STX12: variants seen among roughly 807,000 people sequenced by gnomAD.
STX12 encodes syntaxin-12.
STX12 carries 17 observed loss-of-function variants against 42.2 expected under a neutral mutation model. The observed-to-expected ratio is 0.40, with a 90% CI of 0.28 to 0.60. The LOEUF is 0.60. STX12 is among the 20% of genes least tolerant of loss of function. The pLI is 0.39. For synonymous variants in STX12, 108 were observed against 116.7 expected (o/e 0.93, Z 0.48); for missense variants, 297 against 330.9 (o/e 0.90, Z 0.79).
intron 3 of STX12, among the ~76,000 whole-genome samples, chr1:27,794,176 C>T: frequency 6.6e-6 from 1 of 152,034 alleles, no homozygotes; most frequent in East Asian, 1.9e-4. Flanking sequence ...AGGCATGTGC[C>T]ACCACACCCA....
intron 7 of STX12, among the ~76,000 whole-genome samples, chr1:27,818,418 G>A (rs948885174): frequency 1.3e-5 from 2 of 151,578 alleles, no homozygotes; most frequent in African/African-American, 4.9e-5. Flanking sequence ...AGTCATATCA[G>A]CTATAGAGTT....
At position 27,817,941 on chromosome 1, in the gene STX12, C is replaced by G; in HGVS notation, c.649+18C>G. On this transcript the variant is annotated intron_variant, in intron 7 of 8. Transcript: ENST00000373943. ...TCTGATTGGTATGTATTATTGATAC[C>G]TTTAACCTCAAGGTGAGTTGATAGT... 1 of 1,605,968 alleles carries G rather than the reference C, an allele frequency of 6.2e-7. No individual in the cohort carries two copies. The highest frequency in any genetic ancestry group is 8.5e-7 in the Non-Finnish European group (1 of 1,173,120).
chr1:27,805,296 C>T (rs1299484582), intron 4 of STX12, among the ~76,000 whole-genome samples: 3 of 152,038 alleles, frequency 2.0e-5, no homozygotes, highest in African/African-American at 4.8e-5. Flanking sequence ...ACAAATAATA[C>T]ACTTATTACA....
intron 3 of STX12, among the ~76,000 whole-genome samples, chr1:27,797,122 G>A (rs564272578): frequency 3.3e-5 from 5 of 151,034 alleles, no homozygotes; most frequent in Non-Finnish European, 7.4e-5. Flanking sequence ...CTGCACTCCA[G>A]TGAGCAAAGG....
chr1:27,783,772 T>C (rs377169764), intron 1 of STX12, among the ~76,000 whole-genome samples: 15 of 152,230 alleles, frequency 9.9e-5, no homozygotes, highest in African/African-American at 3.4e-4. Context: ...CAAAAAGTTG[T>C]AGCACATCAG....
intron 4 of STX12, 97 bp from the exon 5 acceptor site, chr1:27,810,149 G>T: frequency 9.3e-7 from 1 of 1,072,466 alleles, no homozygotes; most frequent in Non-Finnish European, 1.4e-6. Flanking sequence ...GGTGTCAAAG[G>T]ATGTTGCTTC....
At chr1:27,776,573 C>T (rs938248502) in intron 1 of STX12, among the ~76,000 whole-genome samples, 5 of 151,984 alleles carry the variant, frequency 3.3e-5, no homozygotes, top group Admixed American at 3.3e-4. Flanking sequence ...AAAAATTAGC[C>T]AGACATGGTA....
chr1:27,795,518 C>T (rs2088780453), intron 3 of STX12, among the ~76,000 whole-genome samples: 1 of 152,046 alleles, frequency 6.6e-6, no homozygotes, highest in Admixed American at 6.6e-5. Flanking sequence ...GTTGGCCAGG[C>T]TGGTTTCAAA....
chr1:27,784,580 G>A (rs992229738), intron 1 of STX12, among the ~76,000 whole-genome samples: 5 of 152,018 alleles, frequency 3.3e-5, no homozygotes, highest in African/African-American at 1.2e-4. Context: ...CTGTAAACAC[G>A]TTATTCCTTT....
intron 4 of STX12, among the ~76,000 whole-genome samples, chr1:27,808,288 A>AT (rs1433442785): frequency 2.6e-5 from 4 of 151,452 alleles, no homozygotes; most frequent in Admixed American, 6.6e-5. Context: ...AAATACATTG[A>AT]TTTTTACCAT....
chr1:27,789,574 A>C lies in STX12; in HGVS notation c.131A>C (p.Lys44Thr). ...CCTATCTCCCCAGCTGCTCAGATAA[A>C]GAATTTGATGAGCCAGCTAGGAACT... ...QRISQATAQIKNLMSQLGTKQ... is the reference protein window; with the variant it reads ...QRISQATAQITNLMSQLGTKQ... The change falls in exon 2 of 9, where the codon AAG (lysine) becomes ACG (threonine). Residue 44 changes from lysine to threonine, a missense_variant. By Grantham distance (78) the Lys-to-Thr change is moderately conservative. Coordinates refer to ENST00000373943, the MANE Select transcript of STX12 (RefSeq NM_177424.3). 1 of 1,613,628 alleles carries C rather than the reference A, an allele frequency of 6.2e-7. No individual in the cohort carries two copies. The highest frequency in any genetic ancestry group is 8.5e-7 in the Non-Finnish European group (1 of 1,179,710).
At chr1:27,801,166 A>ATT (rs1487612724) in intron 3 of STX12, among the ~76,000 whole-genome samples, 2 of 152,208 alleles carry the variant, frequency 1.3e-5, no homozygotes, top group Admixed American at 6.5e-5. Flanking sequence ...TGGGAGGCCG[A>ATT]GGCGGGCAGA....
chr1:27,773,290 AG>A lies in STX12; in HGVS notation c.-16del. On this transcript the variant is annotated 5_prime_UTR_variant, in exon 1 of 9. Coordinates refer to ENST00000373943, the MANE Select transcript of STX12 (RefSeq NM_177424.3). ...GGTAGGAGAGCGGTGTAGAGCGAGC[AG>A]GTCTCAGCTCCTCGTCATGTCATAC... 1 of 1,490,654 alleles carries A rather than the reference AG, an allele frequency of 6.7e-7. No individual in the cohort carries two copies. Among genetic ancestry groups the A allele is most frequent in the Non-Finnish European group, 9.2e-7 (1 of 1,089,724 alleles). 92.3% of individuals were successfully genotyped at this position (1,490,654 alleles called of 1,614,324 possible).
chr1:27,776,402 T>C (rs2088628174), intron 1 of STX12, among the ~76,000 whole-genome samples: 1 of 152,198 alleles, frequency 6.6e-6, no homozygotes, highest in Admixed American at 6.5e-5. Context: ...ATTTGTCTTT[T>C]TATTACTTTT....
chr1:27,809,561 A>G (rs1219002076), intron 4 of STX12, among the ~76,000 whole-genome samples: 1 of 149,632 alleles, frequency 6.7e-6, no homozygotes, highest in Non-Finnish European at 1.5e-5. Context: ...CCCTGATTCA[A>G]TTCTCCTACC....
At chr1:27,783,127 G>T (rs1233925316) in intron 1 of STX12, among the ~76,000 whole-genome samples, 3 of 152,144 alleles carry the variant, frequency 2.0e-5, no homozygotes, top group African/African-American at 4.8e-5. Context: ...TTGGATGAAG[G>T]TTCATTTGGA....
chr1:27,801,922 C>A, intron 4 of STX12, 107 bp downstream of exon 4: 1 of 1,388,656 alleles, frequency 7.2e-7, no homozygotes, highest in Non-Finnish European at 9.6e-7. Context: ...AAGTTAGCTG[C>A]TGTGAAAATG....
intron 3 of STX12, among the ~76,000 whole-genome samples, chr1:27,799,873 T>C (rs182169671): frequency 1.1e-4 from 17 of 152,332 alleles, no homozygotes; most frequent in African/African-American, 4.1e-4. Context: ...TGCCTCAGCC[T>C]CTCAAGTAGC....
At chr1:27,796,443 G>C (rs2088786246) in intron 3 of STX12, among the ~76,000 whole-genome samples, 1 of 152,160 alleles carries the variant, frequency 6.6e-6, no homozygotes, top group South Asian at 2.1e-4. Context: ...CAGTGGAGTG[G>C]CGCAGTCGTG....
Sources: gnomAD v4.1 joint callset for allele counts (sites outside exome capture counted in the v4.1 genomes callset) on GRCh38, gnomAD v4.1.1 for gene constraint, MANE v1.5 for transcripts, NCBI Gene and HGNC (gene_info 2026-07-23, HGNC 2026-07-21) for gene names.